The following LARP4B variants were observed in gnomAD, a reference collection of about 807,000 sequenced individuals.
LARP4B encodes the protein La ribonucleoprotein 4B.
In LARP4B, 12 loss-of-function variants were observed where a neutral mutation model predicts 89.8. The observed-to-expected ratio is 0.13, with a 90% CI of 0.09 to 0.22. The LOEUF (loss-of-function observed/expected upper bound fraction) is 0.22. Among genes scored for constraint, LARP4B ranks in the 10% least tolerant of loss-of-function variants. The pLI, the probability that LARP4B is intolerant of heterozygous loss-of-function variation, is 1.00. For missense variants in LARP4B, 757 were observed against 947.7 expected (o/e 0.80, Z 2.64); for synonymous variants, 367 against 363.3 (o/e 1.01, Z -0.12).
intron 1 of LARP4B, among the ~76,000 whole-genome samples, chr10:912,708 C>CAAA (rs60998261): frequency 0.16 from 14,547 of 91,096 alleles, 1,200 homozygotes; most frequent in Non-Finnish European, 0.23. Context: ...CTCGTCTTGA[C>CAAA]AAAAAAAAAA....
At chr10:874,502 C>T (rs532349166) in intron 3 of LARP4B, among the ~76,000 whole-genome samples, 1 of 152,332 alleles carries the variant, frequency 6.6e-6, no homozygotes, top group East Asian at 1.9e-4. Context: ...CACAACTAAA[C>T]AAGTTGCTCA....
intron 3 of LARP4B, chr10:873,231 G>A (rs145005691): frequency 1.0e-6 from 1 of 985,338 alleles, no homozygotes; most frequent in Non-Finnish European, 1.2e-6. Context: ...AATTTCTGAG[G>A]AGAAGCCAAC....
In LARP4B at chr10:812,172, G is replaced by A. The variant is rs946736364; in HGVS notation, c.*754C>T. ...GTACAACTTCTGGTAACATGTCAGT[G>A]GGCAACAAAGTGTATGTTTTCATGT... On this transcript the variant is annotated 3_prime_UTR_variant, in exon 18 of 18. Transcript: ENST00000316157. 9 of 152,648 alleles carry A rather than the reference G, an allele frequency of 5.9e-5. No homozygotes were observed. The highest frequency in any genetic ancestry group is 2.0e-4 in the Admixed American group (3 of 15,276). 9.5% of individuals were successfully genotyped at this position (152,648 alleles called of 1,614,324 possible). A position where few individuals can be genotyped will look rare whatever the true frequency, so the allele number is the denominator to read the frequency against.
chr10:957,315 A>G, the LARP4B span, among the ~76,000 whole-genome samples: 1 of 152,122 alleles, frequency 6.6e-6, no homozygotes, highest in African/African-American at 2.4e-5. Flanking sequence ...GACGTGTGCC[A>G]TCACACTCGG....
In LARP4B at chr10:810,940, C is replaced by T. The variant is rs1831724643; in HGVS notation, c.*1986G>A. On this transcript the variant is annotated 3_prime_UTR_variant, in exon 18 of 18. Transcript: ENST00000316157. ...GAAATGGTCAAATAGGCATGTTTTC[C>T]TCTGGCAGGGTCAATCATGCTTAGC... The T allele has an allele frequency of 6.6e-6, 1 of 152,188 alleles. No individual in the cohort carries two copies. Among genetic ancestry groups the T allele is most frequent in the Non-Finnish European group, 1.5e-5 (1 of 68,036 alleles). The allele number at this position is 152,188 out of a possible 1,614,324, so 9.4% of individuals were successfully genotyped here. A position where few individuals can be genotyped will look rare whatever the true frequency, so the allele number is the denominator to read the frequency against.
chr10:817,693 G>T (rs1473264696), intron 15 of LARP4B, 32 bp downstream of exon 15: 1 of 1,593,372 alleles, frequency 6.3e-7, no homozygotes, highest in South Asian at 1.1e-5. Context: ...AGACACTGTT[G>T]GCAACTATTA....
chr10:917,872 T>C (rs922594790), intron 1 of LARP4B, among the ~76,000 whole-genome samples: 3 of 152,322 alleles, frequency 2.0e-5, no homozygotes, highest in South Asian at 4.1e-4. Context: ...AAAACTTATT[T>C]TGCAAGTAAG....
At chr10:946,330 T>C in the LARP4B span, among the ~76,000 whole-genome samples, 1 of 149,542 alleles carries the variant, frequency 6.7e-6, no homozygotes, top group Non-Finnish European at 1.5e-5. Flanking sequence ...TGGGAAACTT[T>C]CTAGGAGCTG....
rs182434466 is a variant in LARP4B at position 876,195 on chromosome 10, G to A, written c.141+8252C>T. Among the ~76,000 whole-genome samples, 865 of 152,216 alleles carry A rather than the reference G, an allele frequency of 5.7e-3. 5 individuals are homozygous for A. The highest frequency in any genetic ancestry group is 0.02 in the Middle Eastern group (6 of 294). On this transcript the variant is annotated intron_variant, in intron 3 of 17. Coordinates refer to ENST00000316157, the MANE Select transcript of LARP4B (RefSeq NM_015155.3). ...GAGATCAAAAGTTCGAGACCAGCCT[G>A]ACCAACATGGAGAAACCCCGTCTCT...
chr10:825,774 G>A lies in LARP4B; in HGVS notation c.1222C>T (p.Pro408Ser). 6.2e-7 allele frequency: 1 copy of A among 1,613,124 alleles called. No homozygotes were observed. Among genetic ancestry groups the A allele is most frequent in the South Asian group, 1.1e-5 (1 of 90,898 alleles). ...SPLTSLRQYPPRSRNPSKSHL... is the reference protein window; with the variant it reads ...SPLTSLRQYPSRSRNPSKSHL... ...CGCCCCGGAACTTGCCTGCTTCGAGGAGGATACTGTCTGAGAGAAGTCAGA... is the reference window on the plus strand; with the variant it reads ...CGCCCCGGAACTTGCCTGCTTCGAGAAGGATACTGTCTGAGAGAAGTCAGA... The change falls in exon 12 of 18, where the codon CCT becomes TCT. Residue 408 changes from proline (P) to serine (S), a missense_variant. This residue lies in a region of LARP4B where 137 missense variants were observed against 213.9 expected (regional missense o/e 0.64). Coordinates refer to ENST00000316157, the MANE Select transcript of LARP4B (RefSeq NM_015155.3).
intron 3 of LARP4B, among the ~76,000 whole-genome samples, chr10:875,675 C>T (rs1835424685): frequency 6.6e-6 from 1 of 152,214 alleles, no homozygotes; most frequent in Admixed American, 6.5e-5. Flanking sequence ...CACCATCACA[C>T]ATGTGAGGAA....
chr10:906,648 A>G (rs1468341993), intron 1 of LARP4B, among the ~76,000 whole-genome samples: 1 of 152,226 alleles, frequency 6.6e-6, no homozygotes, highest in East Asian at 1.9e-4. Flanking sequence ...GCTCAGTTTC[A>G]GCACAAAATT....
At chr10:867,862 G>GAAAAAAAAAAAAAA (rs903762145) in intron 3 of LARP4B, among the ~76,000 whole-genome samples, 1 of 43,356 alleles carries the variant, frequency 2.3e-5, no homozygotes. Context: ...CTCCATCCTT[G>GAAAAAAAAAAAAAA]AAAAAAAAAA....
chr10:892,440 G>A (rs1471531014), intron 1 of LARP4B, among the ~76,000 whole-genome samples: 2 of 152,064 alleles, frequency 1.3e-5, no homozygotes, highest in Non-Finnish European at 2.9e-5. Flanking sequence ...AGTTATTATG[G>A]TCTTTCTAGA....
chr10:935,441 G>A (rs1830736975), upstream of LARP4B, among the ~76,000 whole-genome samples: 1 of 152,164 alleles, frequency 6.6e-6, no homozygotes, highest in Non-Finnish European at 1.5e-5. Flanking sequence ...CAGCCCAAAT[G>A]TCAACCACTG....
At chr10:923,395 T>C (rs887084372) in intron 1 of LARP4B, among the ~76,000 whole-genome samples, 1 of 151,968 alleles carries the variant, frequency 6.6e-6, no homozygotes, top group East Asian at 1.9e-4. Flanking sequence ...TTTGCAAACG[T>C]GATTTACTGA....
At chr10:909,112 G>A (rs920107783) in intron 1 of LARP4B, among the ~76,000 whole-genome samples, 1 of 151,966 alleles carries the variant, frequency 6.6e-6, no homozygotes, top group Non-Finnish European at 1.5e-5. Context: ...GGCTAACACG[G>A]TGAAACCCCG....
intron 11 of LARP4B, among the ~76,000 whole-genome samples, chr10:826,267 A>T (rs965578705): frequency 1.3e-5 from 2 of 152,134 alleles, no homozygotes; most frequent in African/African-American, 4.8e-5. Context: ...CAACATTCTC[A>T]ATCTTAGGAG....
At chr10:808,276 T>C (rs1325785801), downstream of LARP4B, 1 of 152,242 alleles carries the variant, frequency 6.6e-6, no homozygotes, top group Non-Finnish European at 1.5e-5. Flanking sequence ...GGCAGTGCTG[T>C]GCACAGAGAA....
Sources: allele counts gnomAD v4.1 joint callset (sites outside exome capture counted in the v4.1 genomes callset), GRCh38; gene constraint gnomAD v4.1.1; regional missense constraint gnomAD v4.1.1; transcripts MANE v1.5; gene names NCBI Gene and HGNC (gene_info 2026-07-23, HGNC 2026-07-21).